The following PIGN variants were observed in gnomAD, a reference collection of about 807,000 sequenced individuals.
PIGN encodes the protein GPI ethanolamine phosphate transferase 1.
PIGN carries 117 observed loss-of-function variants against 125.4 expected under a neutral mutation model. That is an observed-to-expected ratio of 0.93 (90% confidence interval 0.80 to 1.09). The LOEUF is 1.09. PIGN is among the 50% of genes least tolerant of loss of function. The pLI, the probability that PIGN is intolerant of heterozygous loss-of-function variation, is 0.00. For synonymous variants in PIGN, 392 were observed against 377.8 expected (o/e 1.04, Z -0.44); for missense variants, 1,075 against 1,094.9 (o/e 0.98, Z 0.26).
intron 1 of PIGN, among the ~76,000 whole-genome samples, chr18:62,181,562 T>G (rs2037717435): frequency 6.6e-6 from 1 of 152,012 alleles, no homozygotes; most frequent in Non-Finnish European, 1.5e-5. Context: ...AGGTGCATGT[T>G]TACCACATTC....
intron 6 of PIGN, among the ~76,000 whole-genome samples, chr18:62,155,286 G>T (rs1404867108): frequency 2.6e-5 from 4 of 152,144 alleles, no homozygotes. Context: ...AAAGAGATAT[G>T]GCCAGTGTGG....
At chr18:62,057,365 T>TA (rs1330934895) in intron 30 of PIGN, among the ~76,000 whole-genome samples, 1 of 152,204 alleles carries the variant, frequency 6.6e-6, no homozygotes, top group Non-Finnish European at 1.5e-5. Flanking sequence ...TACTCAAGAT[T>TA]AAAAAACAAA....
chr18:62,108,716 G>A (rs1370087389), intron 17 of PIGN, among the ~76,000 whole-genome samples: 2 of 151,910 alleles, frequency 1.3e-5, no homozygotes, highest in Non-Finnish European at 2.9e-5. Context: ...TCAGCCTCCT[G>A]AGTAGCTGGA....
At chr18:62,089,850 A>C (rs1188540895) in intron 24 of PIGN, among the ~76,000 whole-genome samples, 1 of 152,164 alleles carries the variant, frequency 6.6e-6, no homozygotes, top group African/African-American at 2.4e-5. Context: ...AATTTCTCAG[A>C]ATTACCATCA....
intron 23 of PIGN, among the ~76,000 whole-genome samples, chr18:62,027,826 G>A (rs1220054244): frequency 1.3e-5 from 2 of 152,080 alleles, no homozygotes; most frequent in Non-Finnish European, 2.9e-5. Context: ...AGGATTGCTT[G>A]AGCCTGGGAG....
At chr18:62,147,340 T>C (rs1439083841) in intron 8 of PIGN, among the ~76,000 whole-genome samples, 1 of 152,206 alleles carries the variant, frequency 6.6e-6, no homozygotes, top group Admixed American at 6.5e-5. Context: ...TTAACAAATA[T>C]ATTTTAATAA....
rs1384496123 is a variant in PIGN at position 62,110,044 on chromosome 18, ATAAAG to A, written c.1435-76_1435-72del. The A allele has an allele frequency of 3.4e-6, 5 of 1,451,200 alleles. No individual in the cohort carries two copies. In the East Asian group the frequency reaches 1.1e-4, roughly 33 times the overall value. 89.9% of individuals were successfully genotyped at this position (1,451,200 alleles called of 1,614,324 possible). On this transcript the variant is annotated intron_variant, in intron 16 of 30. Transcript: ENST00000640252. ...ATTGATAGGTTTTAAAAGAGATTTTATAAAGTAAAGAAAACCTATTACTTTCTTTC... is the reference window on the plus strand; with the variant it reads ...ATTGATAGGTTTTAAAAGAGATTTTATAAAGAAAACCTATTACTTTCTTTC...
rs138118060 is a variant in PIGN at position 62,168,448 on chromosome 18, C to G, written c.-235-4792G>C. Among the ~76,000 whole-genome samples the G allele has an allele frequency of 7.9e-5, 12 of 152,254 alleles. No individual in the cohort carries two copies. In the East Asian group the frequency reaches 2.3e-3, roughly 29 times the overall value. ...CTTTCTCTGCTTTGCTCCATCCCAG[C>G]CTTGCCTCTGTGCTTTGTCCTTTTT... On this transcript the variant is annotated intron_variant, in intron 1 of 30. Coordinates refer to ENST00000640252, the MANE Select transcript of PIGN (RefSeq NM_176787.5).
intron 26 of PIGN, 137 bp from the exon 27 acceptor site, chr18:62,084,743 A>C (rs932749670): frequency 4.5e-6 from 3 of 662,906 alleles, no homozygotes; most frequent in Non-Finnish European, 8.1e-6. Flanking sequence ...TTATGAAGCC[A>C]CTAAAATGAA....
chr18:62,138,412 T>C (rs753343703), intron 13 of PIGN, 114 bp from the exon 14 acceptor site: 1 of 1,340,480 alleles, frequency 7.5e-7, no homozygotes. Flanking sequence ...TGAAAATAAA[T>C]GGAATTTTAT....
chr18:62,039,763 C>T (rs1291326739), downstream of PIGN, among the ~76,000 whole-genome samples: 4 of 86,982 alleles, frequency 4.6e-5, no homozygotes, highest in Admixed American at 1.3e-4. Flanking sequence ...GTGCCGCACC[C>T]CATGTTTAGG....
chr18:62,084,675 AAAGAT>A, intron 26 of PIGN, 69 bp from the exon 27 acceptor site: 2 of 978,354 alleles, frequency 2.0e-6, no homozygotes, highest in Non-Finnish European at 3.2e-6. Flanking sequence ...ATTCTTCTAA[AAAGAT>A]GTTTAAACTA....
At chr18:62,069,620 T>G (rs776575602) in intron 30 of PIGN, 6 of 152,198 alleles carry the variant, frequency 3.9e-5, no homozygotes, top group Non-Finnish European at 8.8e-5. Flanking sequence ...ATGATTTCAT[T>G]TATATGAGAT....
Position 62,107,135 on chromosome 18 carries a change from G to C in PIGN, c.1575-50C>G, listed in dbSNP as rs115925144. On this transcript the variant is annotated intron_variant, in intron 17 of 30. Transcript: ENST00000640252. ...GAATTTTAAAGTTAGGTCATACATA[G>C]TATAACAATACAAACTTTGCACAAA... 3,086 of 1,129,366 alleles carry C rather than the reference G, an allele frequency of 2.7e-3. 50 individuals carry two copies. In the African/African-American group the frequency reaches 0.041, roughly 15 times the overall value. The allele number at this position is 1,129,366 out of a possible 1,614,324, so 70.0% of individuals were successfully genotyped here. A position where few individuals can be genotyped will look rare whatever the true frequency, so the allele number is the denominator to read the frequency against.
Position 62,147,032 on chromosome 18 carries a change from G to T in PIGN, c.744C>A (p.Phe248Leu), listed in dbSNP as rs199643144. The part of the protein sequence containing the change: ...VKEIVSMFNH[F>L]YGNDGKTTFI... ...ATGTTGTTTTCCCATCATTTCCATA[G>T]AAGTGGTTAAACATAGACACGATTT... Residue 248 changes from phenylalanine (F) to leucine (L), a missense_variant, in exon 9 of 31, where the codon TTC becomes TTA. Physicochemically the swap from Phe to Leu is conservative, Grantham distance 22. Coordinates refer to ENST00000640252, the MANE Select transcript of PIGN (RefSeq NM_176787.5). 1.9e-6 allele frequency: 3 copies of T among 1,611,780 alleles called. No individual in the cohort carries two copies. In the Middle Eastern group the frequency reaches 5.0e-4, roughly 267 times the overall value.
intron 30 of PIGN, among the ~76,000 whole-genome samples, chr18:62,048,124 C>T (rs1030122264): frequency 1.3e-5 from 2 of 151,988 alleles, no homozygotes; most frequent in Non-Finnish European, 2.9e-5. Context: ...ATCCATGAAC[C>T]TGAGGATAAA....
chr18:62,090,871 A>G (rs2033922959), intron 23 of PIGN, among the ~76,000 whole-genome samples: 1 of 152,184 alleles, frequency 6.6e-6, no homozygotes, highest in Non-Finnish European at 1.5e-5. Flanking sequence ...AGAAGGCATG[A>G]AGACAAAGGT....
chr18:62,101,677 T>C (rs1489884389), intron 21 of PIGN, among the ~76,000 whole-genome samples: 1 of 152,228 alleles, frequency 6.6e-6, no homozygotes, highest in African/African-American at 2.4e-5. Flanking sequence ...CTTCAAATGT[T>C]GTATATTTTT....
At chr18:62,138,018 T>C in intron 14 of PIGN, 1 of 528,394 alleles carries the variant, frequency 1.9e-6, no homozygotes, top group South Asian at 2.7e-5. Flanking sequence ...ATATTTCTCA[T>C]GTATCTCTCC....
Sources: gnomAD v4.1 joint callset for allele counts (sites outside exome capture counted in the v4.1 genomes callset) on GRCh38, gnomAD v4.1.1 for gene constraint, MANE v1.5 for transcripts, NCBI Gene and HGNC (gene_info 2026-07-23, HGNC 2026-07-21) for gene names.